Variants in KIF23 observed in about 807,000 individuals in gnomAD.
The protein encoded by KIF23 is kinesin-like protein KIF23.
Under a neutral mutation model 137.5 loss-of-function variants are expected in KIF23, and 30 were observed. The ratio of observed to expected loss-of-function variants is 0.22; its 90% confidence interval spans 0.16 to 0.30. The LOEUF (loss-of-function observed/expected upper bound fraction) is 0.30, where lower values mean the gene tolerates loss of function less well. KIF23 is among the 10% of genes least tolerant of loss of function. KIF23 has a pLI of 1.00. For synonymous variants in KIF23, 367 were observed against 391.1 expected (o/e 0.94, Z 0.73); for missense variants, 920 against 1,194.3 (o/e 0.77, Z 3.38).
At chr15:69,425,444 A>G (rs2057166071) in intron 8 of KIF23, 121 bp downstream of exon 8, 1 of 830,340 alleles carries the variant, frequency 1.2e-6, no homozygotes, top group East Asian at 2.7e-5. Context: ...TGCTGTCTCT[A>G]AGCCCTCCTT....
intron 3 of KIF23, among the ~76,000 whole-genome samples, chr15:69,420,316 A>G (rs1006563063): frequency 6.6e-6 from 1 of 152,074 alleles, no homozygotes; most frequent in African/African-American, 2.4e-5. Flanking sequence ...CTTTGATACT[A>G]ATTAACTCCA....
rs73426072 is a variant in KIF23 at position 69,423,255 on chromosome 15, C to T, written c.660C>T (p.Val220=). The part of the protein sequence containing the change: ...VDEDSVYGVF[V]SYIEIYNNYI... ...AAGATAGTGTCTATGGTGTATTTGT[C>T]TCTTATATTGAAATATATAATAATT... Residue 220 remains valine (V), a synonymous_variant, in exon 7 of 24, where the codon GTC becomes GTT. Transcript: ENST00000679126. 1,201 of 1,587,634 alleles carry T rather than the reference C, an allele frequency of 7.6e-4. 9 individuals are homozygous for T. The African/African-American group carries it at 0.014, about 19-fold the overall frequency.
intron 3 of KIF23, among the ~76,000 whole-genome samples, chr15:69,420,402 G>A (rs2057024714): frequency 6.6e-6 from 1 of 152,216 alleles, no homozygotes; most frequent in African/African-American, 2.4e-5. Context: ...TGAGGACTGT[G>A]AGGTCATCTA....
At chr15:69,446,141 T>C in intron 21 of KIF23, 50 bp downstream of exon 21, 2 of 1,525,270 alleles carry the variant, frequency 1.3e-6, no homozygotes, top group Non-Finnish European at 9.1e-7. Context: ...TTTTCTTAGC[T>C]GCTCATTTTG....
At chr15:69,436,404 A>C in intron 14 of KIF23, 143 bp downstream of exon 14, 1 of 1,261,886 alleles carries the variant, frequency 7.9e-7, no homozygotes, top group Non-Finnish European at 1.1e-6. Context: ...AATTTAAATG[A>C]GCTTATTTTG....
rs748504424 is a variant in KIF23, at chr15:69,445,019, A to C, written c.2651A>C (p.Glu884Ala). The C allele has an allele frequency of 2.5e-6, 4 of 1,611,590 alleles. No individual in the cohort carries two copies. Among genetic ancestry groups the C allele is most frequent in the Non-Finnish European group, 3.4e-6 (4 of 1,178,792 alleles). ...CACCAGGAACTAGCCTCCGATGGGG[A>C]GATTGAAACTAAACTAATTAAGGTA... ...LTHQELASDG[E>A]IETKLIKGDI... is the part of the protein sequence containing the mutation. The change falls in exon 20 of 24, where the codon GAG becomes GCG. Residue 884 changes from glutamate to alanine, a missense_variant. Glu to Ala is a moderately radical substitution (Grantham distance 107). Transcript: ENST00000679126.
intron 11 of KIF23, among the ~76,000 whole-genome samples, chr15:69,431,113 A>G (rs866941845): frequency 1.3e-5 from 2 of 152,232 alleles, no homozygotes; most frequent in African/African-American, 2.4e-5. Flanking sequence ...AGGTCAGACA[A>G]CACTGAGAGC....
chr15:69,418,945 T>C (rs1370456003), intron 3 of KIF23, among the ~76,000 whole-genome samples: 1 of 152,094 alleles, frequency 6.6e-6, no homozygotes, highest in Non-Finnish European at 1.5e-5. Context: ...GATGAAACCC[T>C]GTCTCTACTA....
At chr15:69,417,596 T>C in intron 3 of KIF23, 85 bp downstream of exon 3, 1 of 1,400,458 alleles carries the variant, frequency 7.1e-7, no homozygotes, top group Non-Finnish European at 9.7e-7. Flanking sequence ...ACAAAGTTCA[T>C]TTGTGAGCCC....
intron 10 of KIF23, among the ~76,000 whole-genome samples, chr15:69,428,518 G>A (rs2057263404): frequency 6.6e-6 from 1 of 151,384 alleles, no homozygotes; most frequent in Admixed American, 6.6e-5. Flanking sequence ...AAATGAGCTG[G>A]GCATGGTGGC....
chr15:69,431,414 C>A (rs1374213846), intron 11 of KIF23, among the ~76,000 whole-genome samples: 4 of 152,246 alleles, frequency 2.6e-5, no homozygotes, highest in African/African-American at 9.6e-5. Flanking sequence ...GGGATCGAGA[C>A]CATCCTGGCT....
Position 69,414,457 on chromosome 15 carries a change from C to T in KIF23, c.-9C>T. 6.3e-7 allele frequency: 1 copy of T among 1,589,494 alleles called. No individual in the cohort carries two copies. Among genetic ancestry groups the T allele is most frequent in the South Asian group, 1.1e-5 (1 of 87,074 alleles). On this transcript the variant is annotated 5_prime_UTR_variant, in exon 1 of 24. Transcript: ENST00000679126. ...GCATGCGCGTTTGGGCGGCGTGGAG[C>T]CTGCTGCCATGAAGTCAGCGTGAGT...
rs1394793921 is a variant in KIF23 at position 69,448,355 on chromosome 15, C to T, written c.*548C>T. The T allele has an allele frequency of 2.0e-5, 3 of 152,582 alleles. No homozygotes were observed. Among genetic ancestry groups the T allele is most frequent in the African/African-American group, 7.2e-5 (3 of 41,438 alleles). 9.5% of individuals were successfully genotyped at this position (152,582 alleles called of 1,614,324 possible). A position where few individuals can be genotyped will look rare whatever the true frequency, so the allele number is the denominator to read the frequency against. The stretch of plus-strand genomic sequence containing the variant: ...CCATTTTAGGAAGGTGTTTTGAATT[C>T]TGTATGTATATATTCACTTTCTGAC... On this transcript the variant is annotated 3_prime_UTR_variant, in exon 24 of 24. Transcript: ENST00000679126.
intron 6 of KIF23, 24 bp from the exon 7 acceptor site, chr15:69,423,135 A>G (rs2057101248): frequency 3.5e-6 from 5 of 1,435,782 alleles, no homozygotes; most frequent in African/African-American, 2.9e-5. Flanking sequence ...TATAACGTAT[A>G]CAATTGAACT....
At position 69,446,877 on chromosome 15, in the gene KIF23, G is replaced by A. The variant is rs2057751349; in HGVS notation, c.2845G>A (p.Val949Met). 1 of 1,613,952 alleles carries A rather than the reference G, an allele frequency of 6.2e-7. No homozygotes were observed. Among genetic ancestry groups the A allele is most frequent in the African/African-American group, 1.3e-5 (1 of 74,930 alleles). ...EWTDVETRCS[V>M]AVEMRAGSQL... ...CTTGTCATTTTCCTCTCAGTGTTCT[G>A]TGGCTGTGGAGATGAGAGCAGGATC... The change falls in exon 23 of 24, where the codon GTG (valine) becomes ATG (methionine). Residue 949 changes from valine to methionine, a missense_variant. Around this residue, in one of 4 missense-constraint regions of KIF23, gnomAD observed 75 missense variants for 177.9 expected, o/e 0.42. Coordinates refer to ENST00000679126, the MANE Select transcript of KIF23 (RefSeq NM_001367805.3).
At chr15:69,417,222 A>G (rs1367651729) in intron 2 of KIF23, among the ~76,000 whole-genome samples, 161 bp from the exon 3 acceptor site, 3 of 152,194 alleles carry the variant, frequency 2.0e-5, no homozygotes, top group African/African-American at 4.8e-5. Context: ...GTATTTGTCA[A>G]TCTCAAGTAG....
intron 14 of KIF23, 81 bp downstream of exon 14, chr15:69,436,342 G>A (rs1180987303): frequency 4.6e-6 from 7 of 1,507,768 alleles, no homozygotes; most frequent in Non-Finnish European, 6.2e-6. Flanking sequence ...TTTCATTTAA[G>A]AGAAATGTTT....
Position 69,421,654 on chromosome 15 carries a change from A to G in KIF23, c.218A>G (p.Tyr73Cys), listed in dbSNP as rs147622778. 19 of 1,604,378 alleles carry G rather than the reference A, an allele frequency of 1.2e-5. No individual in the cohort carries two copies. The highest frequency in any genetic ancestry group is 3.3e-4 in the Middle Eastern group (2 of 6,074). Reference protein sequence around the residue: ...NRNGDYKETQYSFKQVFGTHT... With the variant: ...NRNGDYKETQCSFKQVFGTHT... The stretch of plus-strand genomic sequence containing the variant: ...TTTTTTCTCTCTCCACAGACTCAGT[A>G]TTCATTTAAACAAGTATTTGGCACT... The change falls in exon 4 of 24, where the codon TAT (tyrosine) becomes TGT (cysteine). Residue 73 changes from tyrosine to cysteine, a missense_variant. Transcript: ENST00000679126.
At chr15:69,447,699 C>A in intron 23 of KIF23, 93 bp from the exon 24 acceptor site, 1 of 1,150,772 alleles carries the variant, frequency 8.7e-7, no homozygotes, top group Non-Finnish European at 1.3e-6. Context: ...CATCATAAAA[C>A]AGCAGTTCTC....
Sources: gnomAD v4.1 joint callset for allele counts (sites outside exome capture counted in the v4.1 genomes callset) on GRCh38, gnomAD v4.1.1 for gene constraint, gnomAD v4.1.1 regional missense constraint, MANE v1.5 for transcripts, NCBI Gene and HGNC (gene_info 2026-07-23, HGNC 2026-07-21) for gene names.